OSBPL1A: variants seen among roughly 807,000 people sequenced by gnomAD.
OSBPL1A encodes the protein oxysterol binding protein like 1A.
OSBPL1A carries 80 observed loss-of-function variants against 137.1 expected under a neutral mutation model. The ratio of observed to expected loss-of-function variants is 0.58; its 90% confidence interval spans 0.49 to 0.70. The LOEUF (loss-of-function observed/expected upper bound fraction) is 0.70. OSBPL1A is among the 30% of genes least tolerant of loss of function. OSBPL1A has a pLI of 0.00. For missense variants in OSBPL1A, 970 were observed against 1,129.4 expected (o/e 0.86, Z 2.02); for synonymous variants, 365 against 389.7 (o/e 0.94, Z 0.75).
At chr18:24,368,511 A>G in intron 2 of OSBPL1A, 139 bp from the exon 3 acceptor site, 1 of 649,644 alleles carries the variant, frequency 1.5e-6, no homozygotes, top group East Asian at 2.8e-5. Flanking sequence ...ATATGTGACC[A>G]AGAAGTGTAA....
intron 18 of OSBPL1A, among the ~76,000 whole-genome samples, chr18:24,189,765 C>T (rs1284981912): frequency 6.6e-6 from 1 of 152,178 alleles, no homozygotes; most frequent in African/African-American, 2.4e-5. Flanking sequence ...TCTAAGGTGT[C>T]CCGGGATAGC....
Position 24,338,926 on chromosome 18 carries a change from G to T in OSBPL1A, c.394+2621C>A, listed in dbSNP as rs192352322. Among the ~76,000 whole-genome samples, 1,335 of 151,988 alleles carry T rather than the reference G, an allele frequency of 8.8e-3. 8 individuals carry two copies. Among genetic ancestry groups the T allele is most frequent in the South Asian group, 0.022 (105 of 4,806 alleles). On this transcript the variant is annotated intron_variant, in intron 5 of 27. Transcript: ENST00000319481. ...ACGGGGTTTCACCATCTTGGCCAGG[G>T]TGGTCTTGAACTTGTGACCTCGTGA...
At chr18:24,242,934 A>G (rs2088754058) in intron 15 of OSBPL1A, among the ~76,000 whole-genome samples, 2 of 152,218 alleles carry the variant, frequency 1.3e-5, no homozygotes, top group African/African-American at 2.4e-5. Flanking sequence ...AAAAATAAAT[A>G]AAAAGCTGTC....
intron 14 of OSBPL1A, among the ~76,000 whole-genome samples, chr18:24,288,677 A>T (rs1338583656): frequency 6.6e-6 from 1 of 152,058 alleles, no homozygotes; most frequent in East Asian, 1.9e-4. Flanking sequence ...CTGGGGCAGG[A>T]GAATCACTTA....
chr18:24,218,698 G>A (rs2087787620), intron 17 of OSBPL1A, among the ~76,000 whole-genome samples: 1 of 151,764 alleles, frequency 6.6e-6, no homozygotes, highest in African/African-American at 2.4e-5. Flanking sequence ...CACCCACCTC[G>A]GTCTCCCAAA....
intron 16 of OSBPL1A, among the ~76,000 whole-genome samples, chr18:24,230,307 A>T (rs1055413265): frequency 6.6e-6 from 1 of 152,166 alleles, no homozygotes; most frequent in East Asian, 1.9e-4. Flanking sequence ...GTTTGGGATG[A>T]CAAAAAAGTT....
rs183301357 is a variant in OSBPL1A, at chr18:24,195,173, C to T, written c.1677+952G>A. ...AAAATTAGCCAGGTGTGGCACGACG[C>T]GCCTGTGGTCCCAGCTACTCAGGAG... On this transcript the variant is annotated intron_variant, in intron 18 of 27. Coordinates refer to ENST00000319481, the MANE Select transcript of OSBPL1A (RefSeq NM_080597.4). Among the ~76,000 whole-genome samples, 427 of 152,056 alleles carry T rather than the reference C, an allele frequency of 2.8e-3. 2 individuals carry two copies. Among genetic ancestry groups the T allele is most frequent in the Non-Finnish European group, 4.6e-3 (312 of 67,994 alleles).
chr18:24,225,183 C>T lies in OSBPL1A; in HGVS notation c.1460G>A (p.Arg487Lys), dbSNP rs772692756. 9.3e-6 allele frequency: 15 copies of T among 1,613,918 alleles called. No individual in the cohort carries two copies. Among genetic ancestry groups the T allele is most frequent in the Non-Finnish European group, 1.3e-5 (15 of 1,179,950 alleles). ...YDALSDSESE[R>K]SLSRLEAVTA... ...CACTGCTTCCAATCTACTCAGGGAC[C>T]TTTCGGACTCGGAATCTGTGGCAGA... is the stretch of plus-strand genomic sequence containing the variant. Residue 487 changes from arginine to lysine, a missense_variant, in exon 17 of 28, where the codon AGG becomes AAG. Coordinates refer to ENST00000319481, the MANE Select transcript of OSBPL1A (RefSeq NM_080597.4).
rs1486715238 is a variant in OSBPL1A at position 24,179,718 on chromosome 18, A to G, written c.1910+20T>C. On this transcript the variant is annotated intron_variant, in intron 20 of 27. Coordinates refer to ENST00000319481, the MANE Select transcript of OSBPL1A (RefSeq NM_080597.4). Reference sequence around the variant, plus strand: ...CTTCATCTGCAACGCTGTATAAAGCATGCAAGTGAAAGGCCTCACCGCACT... The same window carrying G: ...CTTCATCTGCAACGCTGTATAAAGCGTGCAAGTGAAAGGCCTCACCGCACT... The G allele has an allele frequency of 1.3e-6, 2 of 1,592,000 alleles. No homozygotes were observed. Among genetic ancestry groups the G allele is most frequent in the East Asian group, 2.2e-5 (1 of 44,748 alleles).
chr18:24,275,752 G>A (rs1421551452), intron 15 of OSBPL1A, among the ~76,000 whole-genome samples: 8 of 149,042 alleles, frequency 5.4e-5, no homozygotes, highest in East Asian at 2.0e-4. Context: ...TTCTTGAGAC[G>A]GAGTCTCACT....
chr18:24,170,587 T>C (rs1475471073), intron 23 of OSBPL1A, 134 bp from the exon 24 acceptor site: 34 of 914,250 alleles, frequency 3.7e-5, no homozygotes, highest in Non-Finnish European at 5.5e-5. Flanking sequence ...CAAGAGCAGA[T>C]GAGATCAGGC....
At chr18:24,369,474 G>C (rs2146196711) in intron 2 of OSBPL1A, among the ~76,000 whole-genome samples, 1 of 152,294 alleles carries the variant, frequency 6.6e-6, no homozygotes, top group East Asian at 1.9e-4. Flanking sequence ...TACAGCCCAA[G>C]AACATGTTAT....
intron 18 of OSBPL1A, among the ~76,000 whole-genome samples, chr18:24,182,220 C>G (rs1233691474): frequency 6.6e-6 from 1 of 152,188 alleles, no homozygotes; most frequent in African/African-American, 2.4e-5. Context: ...ATGCCTCCAT[C>G]ACAAGCGACT....
intron 1 of OSBPL1A, among the ~76,000 whole-genome samples, chr18:24,385,004 G>C (rs1374937831): frequency 1.5e-4 from 23 of 150,608 alleles, no homozygotes; most frequent in Admixed American, 7.9e-4. Flanking sequence ...GGCCAGGCTG[G>C]AGTGCAGTGG....
chr18:24,338,077 TTC>T (rs1054390736), intron 5 of OSBPL1A, among the ~76,000 whole-genome samples: 1 of 129,266 alleles, frequency 7.7e-6, no homozygotes, highest in African/African-American at 4.0e-5. Flanking sequence ...TTCTTTTTCT[TTC>T]TTTTTTTTTT....
chr18:24,320,754 G>A (rs375339147), intron 7 of OSBPL1A, among the ~76,000 whole-genome samples: 51 of 152,112 alleles, frequency 3.4e-4, no homozygotes, highest in East Asian at 1.5e-3. Context: ...TAGGCCGGGT[G>A]CAGTGACGCA....
intron 25 of OSBPL1A, 63 bp downstream of exon 25, chr18:24,167,266 A>T: frequency 6.8e-7 from 1 of 1,480,830 alleles, no homozygotes; most frequent in Non-Finnish European, 9.4e-7. Context: ...TACACGTGCC[A>T]GGAAAGAGCG....
Position 24,179,878 on chromosome 18 carries a change from C to T in OSBPL1A, c.1813-43G>A, listed in dbSNP as rs370820162. 18 of 1,506,130 alleles carry T rather than the reference C, an allele frequency of 1.2e-5. No individual in the cohort carries two copies. The African/African-American group carries it at 1.5e-4, about 13-fold the overall frequency. The allele number at this position is 1,506,130 out of a possible 1,614,324, so 93.3% of individuals were successfully genotyped here. A position where few individuals can be genotyped will look rare whatever the true frequency, so the allele number is the denominator to read the frequency against. On this transcript the variant is annotated intron_variant, in intron 19 of 27. Coordinates refer to ENST00000319481, the MANE Select transcript of OSBPL1A (RefSeq NM_080597.4). The stretch of plus-strand genomic sequence containing the variant: ...AGAACAAGTCAAAAATAGCCGAGCT[C>T]GCTCCGCATTCTTTTAGGAACTGAA...
Position 24,256,964 on chromosome 18 carries a change from C to CAAAAAAAAAAAAA in OSBPL1A, c.1282-17595_1282-17583dup, listed in dbSNP as rs201880387. 5.1e-4 allele frequency among the ~76,000 whole-genome samples: 15 copies of CAAAAAAAAAAAAA among 29,512 alleles called. 1 individual carries two copies. Among genetic ancestry groups the CAAAAAAAAAAAAA allele is most frequent in the East Asian group, 2.2e-3 (2 of 910 alleles). The allele number at this position is 29,512 out of a possible 152,430, so 19.4% of individuals were successfully genotyped here. On this transcript the variant is annotated intron_variant, in intron 15 of 27. Coordinates refer to ENST00000319481, the MANE Select transcript of OSBPL1A (RefSeq NM_080597.4). Reference sequence around the variant, plus strand: ...GCTGATGAAAGAACTGAAGAGGATGCAAAAAAAAAAAAAAAAAAAAAAAAA... The same window carrying CAAAAAAAAAAAAA: ...GCTGATGAAAGAACTGAAGAGGATGCAAAAAAAAAAAAAAAAAAAAAAAAAAAAAAAAAAAAAA...
Sources: gnomAD v4.1 joint callset for allele counts (sites outside exome capture counted in the v4.1 genomes callset) on GRCh38, gnomAD v4.1.1 for gene constraint, MANE v1.5 for transcripts, NCBI Gene and HGNC (gene_info 2026-07-23, HGNC 2026-07-21) for gene names.